Variants in KCNH1 observed in about 807,000 individuals in gnomAD.
KCNH1 encodes voltage-gated delayed rectifier potassium channel KCNH1.
A neutral mutation model predicts 69.2 loss-of-function variants in KCNH1; 27 were observed. That is an observed-to-expected ratio of 0.39 (90% CI 0.29 to 0.54). The LOEUF (loss-of-function observed/expected upper bound fraction) is 0.54, where lower values mean the gene tolerates loss of function less well. Among genes scored for constraint, KCNH1 ranks in the 20% least tolerant of loss-of-function variants. KCNH1 has a pLI of 0.68. For missense variants in KCNH1, 798 were observed against 1,261.6 expected (o/e 0.63, Z 5.57); for synonymous variants, 456 against 487.7 (o/e 0.93, Z 0.86).
chr1:210,954,398 A>T (rs1688127175), intron 6 of KCNH1, among the ~76,000 whole-genome samples: 1 of 152,102 alleles, frequency 6.6e-6, no homozygotes, highest in African/African-American at 2.4e-5. Context: ...AGAATGATTT[A>T]TAATGCTTTG....
At chr1:211,031,333 A>T (rs533302845) in intron 5 of KCNH1, among the ~76,000 whole-genome samples, 86 of 152,358 alleles carry the variant, frequency 5.6e-4, no homozygotes, top group African/African-American at 2.0e-3. Context: ...AGCTGGTACC[A>T]TTCCTTCAGA....
At chr1:211,008,132 C>A (rs372807061) in intron 6 of KCNH1, among the ~76,000 whole-genome samples, 1 of 152,088 alleles carries the variant, frequency 6.6e-6, no homozygotes, top group African/African-American at 2.4e-5. Flanking sequence ...TATTCATAAT[C>A]GCCAAAAGTA....
chr1:210,715,983 G>T (rs955675414), intron 10 of KCNH1, among the ~76,000 whole-genome samples: 1 of 152,072 alleles, frequency 6.6e-6, no homozygotes, highest in Admixed American at 6.6e-5. Flanking sequence ...AGTAGATCCT[G>T]GGACAATGGA....
chr1:210,829,447 A>T (rs1685112798), intron 7 of KCNH1, among the ~76,000 whole-genome samples: 1 of 152,044 alleles, frequency 6.6e-6, no homozygotes, highest in Non-Finnish European at 1.5e-5. Context: ...TTATCAACAG[A>T]GCAGCCAGTG....
At chr1:210,987,391 G>T (rs1401210729) in intron 6 of KCNH1, among the ~76,000 whole-genome samples, 1 of 152,138 alleles carries the variant, frequency 6.6e-6, no homozygotes, top group Non-Finnish European at 1.5e-5. Flanking sequence ...TTTCTGCTCT[G>T]TTTTCTTCCC....
At chr1:210,892,226 A>T (rs1686765624) in intron 7 of KCNH1, among the ~76,000 whole-genome samples, 1 of 152,100 alleles carries the variant, frequency 6.6e-6, no homozygotes, top group Admixed American at 6.6e-5. Flanking sequence ...ATGAAAAAAA[A>T]AAACAACCCT....
chr1:211,099,097 G>A (rs1571645582), intron 3 of KCNH1, among the ~76,000 whole-genome samples: 1 of 151,992 alleles, frequency 6.6e-6, no homozygotes, highest in African/African-American at 2.4e-5. Context: ...TAATAATAGA[G>A]GAAACATTAA....
chr1:210,937,816 A>C (rs1687800687), intron 6 of KCNH1, among the ~76,000 whole-genome samples: 1 of 152,232 alleles, frequency 6.6e-6, no homozygotes, highest in African/African-American at 2.4e-5. Flanking sequence ...ACAACAATTT[A>C]GAAAAGACTA....
chr1:210,988,460 T>A (rs1359724678), intron 6 of KCNH1, among the ~76,000 whole-genome samples: 1 of 152,116 alleles, frequency 6.6e-6, no homozygotes, highest in Non-Finnish European at 1.5e-5. Flanking sequence ...GCTTTATTAT[T>A]GCAAGATATG....
intron 6 of KCNH1, among the ~76,000 whole-genome samples, chr1:210,996,333 T>A (rs925452261): frequency 6.6e-6 from 1 of 152,194 alleles, no homozygotes; most frequent in African/African-American, 2.4e-5. Flanking sequence ...ACCAGGAGAT[T>A]ATATCCGGCA....
At chr1:210,754,504 T>C (rs1450207068) in intron 10 of KCNH1, among the ~76,000 whole-genome samples, 3 of 152,076 alleles carry the variant, frequency 2.0e-5, no homozygotes, top group East Asian at 3.9e-4. Flanking sequence ...TGGGGGCCGA[T>C]AGGAGGTGTG....
At chr1:210,740,870 C>T (rs1173427561) in intron 10 of KCNH1, among the ~76,000 whole-genome samples, 2 of 151,976 alleles carry the variant, frequency 1.3e-5, no homozygotes, top group African/African-American at 4.8e-5. Flanking sequence ...TCACAATCAC[C>T]GTGATGGAGG....
intron 7 of KCNH1, among the ~76,000 whole-genome samples, chr1:210,846,347 A>G (rs1344576143): frequency 6.6e-6 from 1 of 152,236 alleles, no homozygotes. Flanking sequence ...AGGCTACAGT[A>G]ATCAAAACAG....
At chr1:210,848,896 A>G (rs1685619744) in intron 7 of KCNH1, among the ~76,000 whole-genome samples, 1 of 152,244 alleles carries the variant, frequency 6.6e-6, no homozygotes, top group African/African-American at 2.4e-5. Flanking sequence ...TAGAGGTTAC[A>G]AAGGTAAAGA....
At chr1:211,102,057 A>T (rs1265853863) in intron 3 of KCNH1, among the ~76,000 whole-genome samples, 1 of 152,174 alleles carries the variant, frequency 6.6e-6, no homozygotes, top group Non-Finnish European at 1.5e-5. Context: ...TGGGTAGTTC[A>T]TGTCTACCTA....
chr1:210,745,414 A>G (rs1205979484), intron 10 of KCNH1, among the ~76,000 whole-genome samples: 5 of 152,060 alleles, frequency 3.3e-5, no homozygotes, highest in Non-Finnish European at 5.9e-5. Flanking sequence ...AAATTCTGGT[A>G]TTTTCGCATC....
intron 10 of KCNH1, among the ~76,000 whole-genome samples, chr1:210,709,402 C>T (rs1310946315): frequency 6.6e-6 from 1 of 152,188 alleles, no homozygotes; most frequent in Non-Finnish European, 1.5e-5. Flanking sequence ...CAGATTCTTC[C>T]TCACAAGCTT....
chr1:210,781,511 G>A (rs747411245), intron 9 of KCNH1, among the ~76,000 whole-genome samples: 1 of 152,138 alleles, frequency 6.6e-6, no homozygotes, highest in African/African-American at 2.4e-5. Context: ...GGGAGGCTCC[G>A]AGGAAGGGGC....
intron 6 of KCNH1, among the ~76,000 whole-genome samples, chr1:210,953,045 A>C (rs1402766386): frequency 2.0e-5 from 3 of 152,182 alleles, no homozygotes; most frequent in South Asian, 4.1e-4. Context: ...CCCAGCTTTT[A>C]TTTGACCCAG....
Sources: allele counts gnomAD v4.1 joint callset (sites outside exome capture counted in the v4.1 genomes callset), GRCh38; gene constraint gnomAD v4.1.1; transcripts MANE v1.5; gene names NCBI Gene and HGNC (gene_info 2026-07-23, HGNC 2026-07-21).